DCDC2C: variants seen among roughly 807,000 people sequenced by gnomAD.
DCDC2C encodes doublecortin domain-containing protein 2C.
Under a neutral mutation model 45.0 loss-of-function variants are expected in DCDC2C, and 44 were observed. The observed-to-expected ratio is 0.98, with a 90% CI of 0.77 to 1.26. DCDC2C has a LOEUF of 1.26. Ranked by LOEUF, DCDC2C falls within the 50% of genes most tolerant of loss-of-function variation. The pLI, the probability that DCDC2C is intolerant of heterozygous loss-of-function variation, is 0.00. For missense variants in DCDC2C, 447 were observed against 468.9 expected (o/e 0.95, Z 0.43); for synonymous variants, 187 against 178.8 (o/e 1.05, Z -0.37).
intron 10 of DCDC2C, among the ~76,000 whole-genome samples, chr2:3,832,424 A>G (rs1288609943): frequency 6.6e-6 from 1 of 152,226 alleles, no homozygotes; most frequent in Non-Finnish European, 1.5e-5. Context: ...AGGTGGTCCC[A>G]CTGCTTCATT....
intron 10 of DCDC2C, among the ~76,000 whole-genome samples, chr2:3,787,357 C>G (rs1670682448): frequency 6.6e-6 from 1 of 152,170 alleles, no homozygotes; most frequent in Admixed American, 6.5e-5. Flanking sequence ...TAATTTCCAA[C>G]TTGTGAAATG....
intron 6 of DCDC2C, among the ~76,000 whole-genome samples, chr2:3,764,760 G>C (rs966005529): frequency 2.0e-5 from 3 of 152,222 alleles, no homozygotes; most frequent in Non-Finnish European, 4.4e-5. Context: ...GGTCATGAAA[G>C]ACAGTCTGAG....
At chr2:3,724,182 C>A (rs913928264) in intron 2 of DCDC2C, among the ~76,000 whole-genome samples, 4 of 152,188 alleles carry the variant, frequency 2.6e-5, no homozygotes, top group Admixed American at 1.3e-4. Context: ...CTTCTCCAGA[C>A]CACATGGACG....
intron 9 of DCDC2C, among the ~76,000 whole-genome samples, chr2:3,783,480 A>T (rs920338647): frequency 6.6e-6 from 1 of 152,092 alleles, no homozygotes; most frequent in Non-Finnish European, 1.5e-5. Context: ...TGTCCTTCCT[A>T]CGCCGTCCAA....
At chr2:3,770,856 T>C (rs369400450) in intron 8 of DCDC2C, among the ~76,000 whole-genome samples, 3 of 152,294 alleles carry the variant, frequency 2.0e-5, no homozygotes, top group East Asian at 3.9e-4. Flanking sequence ...TGGAGTGAAT[T>C]CGGTTATCCC....
At chr2:3,704,130 C>A in intron 1 of DCDC2C, 92 bp downstream of exon 1, 1 of 1,099,150 alleles carries the variant, frequency 9.1e-7, no homozygotes, top group Non-Finnish European at 1.2e-6. Flanking sequence ...AGGTGTCCTC[C>A]CCAGGCTTCC....
At chr2:3,784,981 AG>A in intron 9 of DCDC2C, 77 bp from the exon 10 acceptor site, 1 of 1,042,748 alleles carries the variant, frequency 9.6e-7, no homozygotes, top group Non-Finnish European at 1.2e-6. Flanking sequence ...GGCAGAGTAG[AG>A]GTGGGGGAGA....
intron 10 of DCDC2C, among the ~76,000 whole-genome samples, chr2:3,796,661 T>C (rs1670963547): frequency 7.4e-6 from 1 of 134,502 alleles, no homozygotes; most frequent in African/African-American, 2.9e-5. Flanking sequence ...GTTTATATGC[T>C]GGATTACATT....
At chr2:3,741,500 C>T (rs1014691748) in intron 3 of DCDC2C, among the ~76,000 whole-genome samples, 13 of 152,108 alleles carry the variant, frequency 8.5e-5, no homozygotes, top group Non-Finnish European at 1.5e-4. Flanking sequence ...AGAGCCTGCC[C>T]GTCTGTATGC....
Position 3,735,679 on chromosome 2 carries a change from G to A in DCDC2C, c.417-6241G>A, listed in dbSNP as rs550212857. Among the ~76,000 whole-genome samples, 12 of 152,232 alleles carry A rather than the reference G, an allele frequency of 7.9e-5. 1 individual carries two copies. Among genetic ancestry groups the A allele is most frequent in the Admixed American group, 3.3e-4 (5 of 15,300 alleles). On this transcript the variant is annotated intron_variant, in intron 3 of 10. Coordinates refer to ENST00000399143, the MANE Select transcript of DCDC2C (RefSeq NM_001287444.2). ...TTTCCCAGGTGAAGGTGACAAGCCC[G>A]GGGAATTTTCATGGTAGGGAATTCT... is the stretch of plus-strand genomic sequence containing the variant.
intron 2 of DCDC2C, among the ~76,000 whole-genome samples, chr2:3,714,174 T>C (rs1668290840): frequency 6.6e-6 from 1 of 152,238 alleles, no homozygotes; most frequent in African/African-American, 2.4e-5. Flanking sequence ...TGTAGAAATT[T>C]ACTTAAAATT....
In DCDC2C at chr2:3,738,539, GGAAAAAAAAAAAA is replaced by G. The variant is rs1372546012; in HGVS notation, c.417-3380_417-3368del. 2.7e-4 allele frequency among the ~76,000 whole-genome samples: 15 copies of G among 55,248 alleles called. 1 individual carries two copies. Among genetic ancestry groups the G allele is most frequent in the Admixed American group, 7.9e-4 (3 of 3,796 alleles). 36.2% of individuals were successfully genotyped at this position (55,248 alleles called of 152,430 possible). On this transcript the variant is annotated intron_variant, in intron 3 of 10. Coordinates refer to ENST00000399143, the MANE Select transcript of DCDC2C (RefSeq NM_001287444.2). ...TACATTTTTTCTGCTGGTCTATCTG[GGAAAAAAAAAAAA>G]AAAAAAAAAAAAAAAAAAGCCTCCC...
intron 10 of DCDC2C, among the ~76,000 whole-genome samples, chr2:3,815,006 C>T (rs146758323): frequency 0.014 from 2,199 of 152,368 alleles, 24 homozygotes; most frequent in Middle Eastern, 0.024. Context: ...TGCCCCTACC[C>T]GAAGGAGCTC....
In DCDC2C at chr2:3,752,788, T is replaced by C; in HGVS notation, c.571T>C (p.Leu191=). The C allele has an allele frequency of 6.4e-7, 1 of 1,550,470 alleles. No individual in the cohort carries two copies. The highest frequency in any genetic ancestry group is 8.7e-7 in the Non-Finnish European group (1 of 1,146,892). The change falls in exon 5 of 11, where the codon TTG becomes CTG. Residue 191 remains leucine (L), a synonymous_variant. Transcript: ENST00000399143. ...RKLFTMNGHL[L]GDSKDLQDNH... ...ATTATTTACAATGAATGGGCATCTT[T>C]TGGGCGACTCAAAGGATTTGCAAGA... is the stretch of plus-strand genomic sequence containing the variant.
chr2:3,840,167 T>C (rs559153543), intron 10 of DCDC2C, among the ~76,000 whole-genome samples: 1 of 152,376 alleles, frequency 6.6e-6, no homozygotes, highest in African/African-American at 2.4e-5. Flanking sequence ...AGACTGAGTA[T>C]TCTACTTTTA....
chr2:3,785,534 T>G (rs1283605698), intron 10 of DCDC2C, among the ~76,000 whole-genome samples: 10 of 152,118 alleles, frequency 6.6e-5, no homozygotes, highest in Admixed American at 5.9e-4. Context: ...TGTGCTTGCC[T>G]GGCGAGAGCA....
At chr2:3,727,515 C>T (rs1230045661) in intron 3 of DCDC2C, among the ~76,000 whole-genome samples, 1 of 152,138 alleles carries the variant, frequency 6.6e-6, no homozygotes, top group Middle Eastern at 3.2e-3. Context: ...CCTCTTGCTA[C>T]CAAAAGGCCC....
chr2:3,727,060 C>T lies in DCDC2C; in HGVS notation c.397C>T (p.Arg133Cys), dbSNP rs778341770. Residue 133 changes from arginine to cysteine, a missense_variant, in exon 3 of 11, where the codon CGT (arginine) becomes TGT (cysteine). Arg to Cys is a radical substitution (Grantham distance 180). Transcript: ENST00000399143. ...NVPSKWQTYHRISRHINVFTN... is the reference protein window; with the variant it reads ...NVPSKWQTYHCISRHINVFTN... ...GCCTTCCAAGTGGCAAACATATCAT[C>T]GTATATCTCGACATATAAAGTGAGT... 6.8e-5 allele frequency: 105 copies of T among 1,549,836 alleles called. No individual in the cohort carries two copies. Among genetic ancestry groups the T allele is most frequent in the Admixed American group, 7.8e-5 (4 of 50,972 alleles).
At chr2:3,724,726 T>C (rs891526881) in intron 2 of DCDC2C, among the ~76,000 whole-genome samples, 3 of 152,172 alleles carry the variant, frequency 2.0e-5, no homozygotes, top group African/African-American at 4.8e-5. Flanking sequence ...AGGAGGACCC[T>C]CCCTGCTGGG....
Sources: gnomAD v4.1 joint callset for allele counts (sites outside exome capture counted in the v4.1 genomes callset) on GRCh38, gnomAD v4.1.1 for gene constraint, MANE v1.5 for transcripts, NCBI Gene and HGNC (gene_info 2026-07-23, HGNC 2026-07-21) for gene names.